THSD4: variants seen among roughly 807,000 people sequenced by gnomAD.
THSD4 encodes the protein thrombospondin type-1 domain-containing protein 4.
A neutral mutation model predicts 119.0 loss-of-function variants in THSD4; 69 were observed. The observed-to-expected ratio is 0.58, with a 90% CI of 0.48 to 0.71. The LOEUF (loss-of-function observed/expected upper bound fraction) is 0.71, where lower values mean the gene tolerates loss of function less well. THSD4 is among the 30% of genes least tolerant of loss of function. The probability of loss-of-function intolerance (pLI) is 0.00; values close to 1 mark genes in which losing one functional copy is unlikely to be tolerated. For synonymous variants in THSD4, 524 were observed against 540.4 expected (o/e 0.97, Z 0.42); for missense variants, 1,393 against 1,391.1 (o/e 1.00, Z -0.02).
chr15:71,180,274 A>G (rs187468941), intron 3 of THSD4, among the ~76,000 whole-genome samples: 342 of 152,344 alleles, frequency 2.2e-3, no homozygotes, highest in African/African-American at 8.1e-3. Context: ...TATCCAGAGT[A>G]TATAGAGAAC....
At chr15:71,746,633 C>T (rs1295559031) in intron 12 of THSD4, among the ~76,000 whole-genome samples, 2 of 152,150 alleles carry the variant, frequency 1.3e-5, no homozygotes, top group African/African-American at 4.8e-5. Context: ...GGGCTCAAGC[C>T]ATCCTCCCAC....
At chr15:71,149,833 G>A (rs889839788) in intron 2 of THSD4, among the ~76,000 whole-genome samples, 4 of 152,100 alleles carry the variant, frequency 2.6e-5, no homozygotes, top group African/African-American at 9.7e-5. Flanking sequence ...ATGGTAGCGG[G>A]GGTGGAGAGT....
chr15:71,679,008 G>C (rs1187062938), intron 8 of THSD4, among the ~76,000 whole-genome samples: 1 of 151,966 alleles, frequency 6.6e-6, no homozygotes. Flanking sequence ...TTCTTTCTTT[G>C]ATTAAAGAAA....
chr15:71,509,105 C>T (rs1157694106), intron 7 of THSD4, among the ~76,000 whole-genome samples: 2 of 151,952 alleles, frequency 1.3e-5, no homozygotes, highest in African/African-American at 2.4e-5. Context: ...TTAGGTATGA[C>T]CAGAATATGA....
At chr15:71,266,366 G>C (rs2044465605) in intron 6 of THSD4, among the ~76,000 whole-genome samples, 2 of 152,110 alleles carry the variant, frequency 1.3e-5, no homozygotes, top group South Asian at 2.1e-4. Flanking sequence ...GCAGCAGAGG[G>C]GCCTGACTGT....
At chr15:71,567,224 ATCCCAGAGAGGTCTTTGCTTTAG>A in intron 7 of THSD4, among the ~76,000 whole-genome samples, 1 of 152,200 alleles carries the variant, frequency 6.6e-6, no homozygotes, top group East Asian at 1.9e-4. Flanking sequence ...TGTTCACTAG[ATCCCAGAGAGGTCTTTGCTTTAG>A]TTTGGGTTCC....
intron 7 of THSD4, among the ~76,000 whole-genome samples, chr15:71,579,590 A>G (rs1363298883): frequency 6.6e-6 from 1 of 152,154 alleles, no homozygotes; most frequent in Admixed American, 6.5e-5. Context: ...AAAGATTGCT[A>G]CTGTACTCTT....
chr15:71,521,120 A>G (rs1401055067), intron 7 of THSD4, among the ~76,000 whole-genome samples: 1 of 152,174 alleles, frequency 6.6e-6, no homozygotes, highest in East Asian at 1.9e-4. Flanking sequence ...TAAATAGAGA[A>G]AAGGAAATTA....
At chr15:71,167,269 T>C (rs570531893) in intron 3 of THSD4, 17 of 152,386 alleles carry the variant, frequency 1.1e-4, no homozygotes, top group South Asian at 4.1e-4. Flanking sequence ...GAGAATATTT[T>C]AGGCTTTCTG....
At chr15:71,749,732 T>TATTTATTTATTTATTG in intron 14 of THSD4, among the ~76,000 whole-genome samples, 2 of 150,818 alleles carry the variant, frequency 1.3e-5, no homozygotes, top group Middle Eastern at 3.5e-3. Flanking sequence ...TTTATTTATT[T>TATTTATTTATTTATTG]ATTTTGAGAC....
intron 3 of THSD4, among the ~76,000 whole-genome samples, chr15:71,208,353 C>T (rs1421983995): frequency 6.6e-6 from 1 of 152,180 alleles, no homozygotes; most frequent in Non-Finnish European, 1.5e-5. Context: ...GGGCATCCAG[C>T]TCCAAATCCA....
At chr15:71,130,328 G>A (rs1261293579) in intron 1 of THSD4, among the ~76,000 whole-genome samples, 1 of 152,154 alleles carries the variant, frequency 6.6e-6, no homozygotes, top group Admixed American at 6.5e-5. Context: ...TAAGACTACA[G>A]GCATGTGCCA....
intron 8 of THSD4, among the ~76,000 whole-genome samples, chr15:71,664,553 A>G (rs879438026): frequency 6.6e-6 from 1 of 152,162 alleles, no homozygotes; most frequent in Non-Finnish European, 1.5e-5. Flanking sequence ...AGGTTTTTAT[A>G]TAGGTAAAAT....
At chr15:71,686,520 C>G (rs1035659543) in intron 8 of THSD4, among the ~76,000 whole-genome samples, 1 of 152,194 alleles carries the variant, frequency 6.6e-6, no homozygotes, top group Non-Finnish European at 1.5e-5. Flanking sequence ...CAGTCTCTGT[C>G]AGTTGATATA....
At chr15:71,631,653 A>G (rs1411134501) in intron 7 of THSD4, among the ~76,000 whole-genome samples, 1 of 152,202 alleles carries the variant, frequency 6.6e-6, no homozygotes, top group Non-Finnish European at 1.5e-5. Flanking sequence ...GCCTCAGAGA[A>G]AGAGGCCGAA....
chr15:71,659,917 G>A (rs756391529), intron 7 of THSD4, among the ~76,000 whole-genome samples: 9 of 152,116 alleles, frequency 5.9e-5, no homozygotes, highest in Non-Finnish European at 8.8e-5. Context: ...TTATGATCTC[G>A]TTTGTTGATG....
intron 17 of THSD4, among the ~76,000 whole-genome samples, chr15:71,772,042 C>T (rs8026085): frequency 0.15 from 23,380 of 152,154 alleles, 2,943 homozygotes; most frequent in African/African-American, 0.34. Context: ...ACTCAGAATG[C>T]ACCCCCAGGT....
At chr15:71,248,149 A>G (rs2044223247) in intron 5 of THSD4, among the ~76,000 whole-genome samples, 1 of 152,120 alleles carries the variant, frequency 6.6e-6, no homozygotes, top group Non-Finnish European at 1.5e-5. Flanking sequence ...GGTTGGTGGT[A>G]TGTGCCTCTG....
chr15:71,564,686 A>T (rs1013298146), intron 7 of THSD4, among the ~76,000 whole-genome samples: 1 of 18,184 alleles, frequency 5.5e-5, no homozygotes, highest in South Asian at 9.2e-4. Flanking sequence ...CATATAATAC[A>T]ATATATAGTA....
Sources: allele counts gnomAD v4.1 joint callset (sites outside exome capture counted in the v4.1 genomes callset), GRCh38; gene constraint gnomAD v4.1.1; transcripts MANE v1.5; gene names NCBI Gene and HGNC (gene_info 2026-07-23, HGNC 2026-07-21).